The following DNAH9 variants were observed in gnomAD, a reference collection of about 807,000 sequenced individuals.
DNAH9 encodes the protein dynein axonemal heavy chain 9.
In DNAH9, 345 loss-of-function variants were observed where a neutral mutation model predicts 471.6. The observed-to-expected ratio is 0.73, with a 90% CI of 0.67 to 0.80. The LOEUF (loss-of-function observed/expected upper bound fraction) is 0.80. Ranked by LOEUF, DNAH9 falls within the 30% of genes least tolerant of loss-of-function variation. DNAH9 has a pLI of 0.00. For synonymous variants in DNAH9, 2,093 were observed against 2,123.6 expected (o/e 0.99, Z 0.40); for missense variants, 5,407 against 5,609.2 (o/e 0.96, Z 1.15).
chr17:11,759,297 C>A (rs927013391), intron 35 of DNAH9, among the ~76,000 whole-genome samples: 2 of 151,844 alleles, frequency 1.3e-5, no homozygotes, highest in Non-Finnish European at 2.9e-5. Flanking sequence ...CTTTTGGAGT[C>A]TCTGGTGTTT....
chr17:11,658,170 C>A (rs2073688900), intron 14 of DNAH9, among the ~76,000 whole-genome samples: 1 of 152,108 alleles, frequency 6.6e-6, no homozygotes. Flanking sequence ...TATCTCTTCA[C>A]TTAGTTAAGT....
chr17:11,716,688 C>T (rs891417680), intron 26 of DNAH9, among the ~76,000 whole-genome samples: 3 of 152,170 alleles, frequency 2.0e-5, no homozygotes, highest in African/African-American at 4.8e-5. Context: ...TTTTGTGAAA[C>T]CTGGCATTTC....
intron 27 of DNAH9, among the ~76,000 whole-genome samples, chr17:11,725,055 A>G (rs1461958629): frequency 6.6e-6 from 1 of 152,212 alleles, no homozygotes; most frequent in Non-Finnish European, 1.5e-5. Context: ...ATGAGAATCC[A>G]GTGCTGCCAC....
chr17:11,654,355 C>CAAAGAAAAAAAAAAAAAAAA (rs2073587150), intron 14 of DNAH9, among the ~76,000 whole-genome samples: 1 of 11,258 alleles, frequency 8.9e-5, no homozygotes, highest in Non-Finnish European at 8.1e-4. Context: ...GACTCCGTCT[C>CAAAGAAAAAAAAAAAAAAAA]AAAAAAAAAA....
chr17:11,814,973 A>G (rs367621912), intron 45 of DNAH9, among the ~76,000 whole-genome samples: 2 of 148,964 alleles, frequency 1.3e-5, no homozygotes, highest in Non-Finnish European at 1.5e-5. Flanking sequence ...AAAAAAAACA[A>G]TAAAGTTGGG....
chr17:11,810,954 A>G (rs944590626), intron 45 of DNAH9, among the ~76,000 whole-genome samples: 14 of 152,224 alleles, frequency 9.2e-5, no homozygotes, highest in Non-Finnish European at 4.4e-5. Flanking sequence ...TAGGACTTCA[A>G]TGGAAAGCTC....
Position 11,905,726 on chromosome 17 carries a change from C to T in DNAH9, c.11666C>T (p.Ser3889Leu), listed in dbSNP as rs1355800948. 6.2e-7 allele frequency: 1 copy of T among 1,614,156 alleles called. No homozygotes were observed. The highest frequency in any genetic ancestry group is 8.5e-7 in the Non-Finnish European group (1 of 1,180,016). Residue 3889 changes from serine (S) to leucine (L), a missense_variant, in exon 61 of 69, where the codon TCA becomes TTA. Coordinates refer to ENST00000262442, the MANE Select transcript of DNAH9 (RefSeq NM_001372.4). ...VVGRALDFATSFEESGPATPM... is the reference protein window; with the variant it reads ...VVGRALDFATLFEESGPATPM... ...GGAAGAGCCCTAGATTTTGCAACCT[C>T]ATTTGAAGAATCGGGACCAGCCACT...
intron 43 of DNAH9, 44 bp downstream of exon 43, chr17:11,797,837 TC>T: frequency 6.3e-7 from 1 of 1,576,860 alleles, no homozygotes; most frequent in East Asian, 2.2e-5. Context: ...TGCTTCCTCT[TC>T]CCAATGACAG....
intron 62 of DNAH9, among the ~76,000 whole-genome samples, chr17:11,926,069 G>T (rs987331263): frequency 2.2e-5 from 3 of 134,380 alleles, no homozygotes; most frequent in South Asian, 2.5e-4. Context: ...AAAAGCTGGG[G>T]GGGGAGGAAT....
At chr17:11,742,991 C>T (rs1047341623) in intron 30 of DNAH9, among the ~76,000 whole-genome samples, 2 of 152,176 alleles carry the variant, frequency 1.3e-5, no homozygotes, top group Non-Finnish European at 2.9e-5. Context: ...TAGGTTCTTT[C>T]CCAACGTTGA....
At chr17:11,906,578 G>A (rs1246231769) in intron 61 of DNAH9, among the ~76,000 whole-genome samples, 2 of 147,942 alleles carry the variant, frequency 1.4e-5, no homozygotes, top group African/African-American at 5.1e-5. Flanking sequence ...AGTGAGCTGA[G>A]ACCGCACTAC....
At chr17:11,634,361 G>A (rs150576791) in intron 8 of DNAH9, among the ~76,000 whole-genome samples, 3 of 152,286 alleles carry the variant, frequency 2.0e-5, no homozygotes, top group East Asian at 3.9e-4. Context: ...CAAGGCTGGG[G>A]AGTAGGGACC....
In DNAH9 at chr17:11,798,774, T is replaced by C. The variant is rs186001243; in HGVS notation, c.8420+981T>C. 2.0e-3 allele frequency among the ~76,000 whole-genome samples: 307 copies of C among 152,294 alleles called. 3 individuals are homozygous for C. The highest frequency in any genetic ancestry group is 6.8e-3 in the African/African-American group (282 of 41,556). On this transcript the variant is annotated intron_variant, in intron 43 of 68. Coordinates refer to ENST00000262442, the MANE Select transcript of DNAH9 (RefSeq NM_001372.4). ...TTACTGCCAAATTCTAACTGATACC[T>C]GACTGACCCCTGAGTGGAGGAAAGC... is the stretch of plus-strand genomic sequence containing the variant.
chr17:11,606,448 C>CTTTTTTT (rs1156988834), intron 1 of DNAH9, among the ~76,000 whole-genome samples: 67 of 97,012 alleles, frequency 6.9e-4, no homozygotes, highest in African/African-American at 2.4e-3. Context: ...CTTTTCTTTT[C>CTTTTTTT]TTTTCTTTTT....
chr17:11,831,793 C>T (rs557115636), intron 48 of DNAH9, among the ~76,000 whole-genome samples: 1 of 152,292 alleles, frequency 6.6e-6, no homozygotes, highest in South Asian at 2.1e-4. Flanking sequence ...TGACTGCTCT[C>T]TTTAGCATCA....
chr17:11,721,951 G>A (rs929060330), intron 27 of DNAH9, among the ~76,000 whole-genome samples: 8 of 152,184 alleles, frequency 5.3e-5, no homozygotes, highest in African/African-American at 1.9e-4. Flanking sequence ...AGAGCATGTG[G>A]CATTTTCACA....
chr17:11,756,906 C>A lies in DNAH9; in HGVS notation c.6847+230C>A, dbSNP rs574417272. 4.6e-5 allele frequency among the ~76,000 whole-genome samples: 7 copies of A among 152,320 alleles called. No homozygotes were observed. In the South Asian group the frequency reaches 1.4e-3, roughly 32 times the overall value. On this transcript the variant is annotated intron_variant, in intron 34 of 68. Coordinates refer to ENST00000262442, the MANE Select transcript of DNAH9 (RefSeq NM_001372.4). ...AACTTAGGCTACTTTTAGGCCAGTT[C>A]TAGCCTCCACGTCAATGGAGATGAC...
At chr17:11,905,013 C>A (rs188687180) in intron 60 of DNAH9, among the ~76,000 whole-genome samples, 1 of 152,064 alleles carries the variant, frequency 6.6e-6, no homozygotes, top group Non-Finnish European at 1.5e-5. Flanking sequence ...GCGGGTGGAT[C>A]ACAAGGTCAG....
chr17:11,742,628 T>C (rs1211509378), intron 30 of DNAH9, among the ~76,000 whole-genome samples: 1 of 152,190 alleles, frequency 6.6e-6, no homozygotes, highest in Non-Finnish European at 1.5e-5. Flanking sequence ...GGTCTGTACC[T>C]GAAGGGGCAT....
Sources: gnomAD v4.1 joint callset for allele counts (sites outside exome capture counted in the v4.1 genomes callset) on GRCh38, gnomAD v4.1.1 for gene constraint, MANE v1.5 for transcripts, NCBI Gene and HGNC (gene_info 2026-07-23, HGNC 2026-07-21) for gene names.